The following PFKL variants were observed in gnomAD, a reference collection of about 807,000 sequenced individuals.
PFKL encodes the protein ATP-dependent 6-phosphofructokinase, liver type.
In PFKL, 74 loss-of-function variants were observed where a neutral mutation model predicts 92.1. That is an observed-to-expected ratio of 0.80 (90% confidence interval 0.67 to 0.97). The LOEUF (loss-of-function observed/expected upper bound fraction) is 0.97. PFKL is among the 50% of genes least tolerant of loss of function. The pLI is 0.00. For synonymous variants in PFKL, 494 were observed against 456.4 expected (o/e 1.08, Z -1.05); for missense variants, 1,028 against 1,116.6 (o/e 0.92, Z 1.13).
chr21:44,306,570 A>T, intron 1 of PFKL, 111 bp from the exon 2 acceptor site: 2 of 826,528 alleles, frequency 2.4e-6, no homozygotes, highest in East Asian at 2.8e-5. Context: ...CCGCCCTCTG[A>T]GATGGACAGG....
chr21:44,320,205 C>T, intron 12 of PFKL, 58 bp downstream of exon 12: 1 of 1,487,112 alleles, frequency 6.7e-7, no homozygotes, highest in Non-Finnish European at 9.4e-7. Flanking sequence ...TCTGCAGCCT[C>T]TTCACGCTGG....
chr21:44,312,719 C>T (rs1262601294), intron 4 of PFKL, among the ~76,000 whole-genome samples: 2 of 152,206 alleles, frequency 1.3e-5, no homozygotes, highest in Non-Finnish European at 2.9e-5. Flanking sequence ...GTTCCATGTC[C>T]CTCATGTGGG....
intron 1 of PFKL, among the ~76,000 whole-genome samples, chr21:44,303,848 T>C (rs2040849152): frequency 6.6e-6 from 1 of 152,178 alleles, no homozygotes. Context: ...TATCACCTGC[T>C]GGTAGGCAGC....
chr21:44,312,847 C>A, intron 4 of PFKL, 131 bp from the exon 5 acceptor site: 2 of 885,538 alleles, frequency 2.3e-6, no homozygotes, highest in Non-Finnish European at 3.5e-6. Flanking sequence ...GGAGGCTGAG[C>A]CTGGAACTCC....
In PFKL at chr21:44,316,179, C is replaced by T. The variant is rs576546171; in HGVS notation, c.748-65C>T. On this transcript the variant is annotated intron_variant, in intron 7 of 21. Transcript: ENST00000349048. ...GGCCCCAGGGAGGGCTCCTGGCACC[C>T]GGGGGCTGTGTCCGGGGCAGGTTTC... The T allele has an allele frequency of 8.7e-4, 1,308 of 1,498,784 alleles. 19 individuals are homozygous for T. The South Asian group carries it at 0.013, about 15-fold the overall frequency. The allele number at this position is 1,498,784 out of a possible 1,614,324, so 92.8% of individuals were successfully genotyped here.
At chr21:44,309,460 G>C (rs2041052016) in intron 2 of PFKL, among the ~76,000 whole-genome samples, 1 of 152,166 alleles carries the variant, frequency 6.6e-6, no homozygotes, top group Non-Finnish European at 1.5e-5. Context: ...AGAGTGGGTA[G>C]AGGGGGGCAA....
intron 3 of PFKL, 103 bp from the exon 4 acceptor site, chr21:44,312,002 T>G: frequency 1.1e-6 from 1 of 938,766 alleles, no homozygotes. Context: ...CTCTGCAGGG[T>G]CTGCCAGCCC....
At chr21:44,301,374 G>T (rs1019570776) in intron 1 of PFKL, among the ~76,000 whole-genome samples, 1 of 152,266 alleles carries the variant, frequency 6.6e-6, no homozygotes, top group Non-Finnish European at 1.5e-5. Flanking sequence ...CCTGGAGCCA[G>T]TGTGGCTCCA....
chr21:44,317,852 G>GA (rs2047250099), intron 9 of PFKL, among the ~76,000 whole-genome samples: 1 of 152,248 alleles, frequency 6.6e-6, no homozygotes, highest in South Asian at 2.1e-4. Flanking sequence ...CTTGCAAGAT[G>GA]AAAAAACCTG....
At chr21:44,324,688 C>A in intron 17 of PFKL, 33 bp downstream of exon 17, 1 of 1,564,544 alleles carries the variant, frequency 6.4e-7, no homozygotes, top group Non-Finnish European at 8.7e-7. Flanking sequence ...TGCGGCAGAC[C>A]TGCCGGCATG....
At chr21:44,325,894 C>T (rs1459498818) in intron 19 of PFKL, 67 bp from the exon 20 acceptor site, 2 of 1,179,584 alleles carry the variant, frequency 1.7e-6, no homozygotes, top group Admixed American at 2.0e-5. Context: ...ATCCTGTCTG[C>T]ACTGGCGTTG....
Position 44,326,833 on chromosome 21 carries a change from C to G in PFKL, c.2314C>G (p.Arg772Gly), listed in dbSNP as rs779945114. 2 of 1,610,080 alleles carry G rather than the reference C, an allele frequency of 1.2e-6. No homozygotes were observed. The highest frequency in any genetic ancestry group is 3.3e-5 in the Admixed American group (2 of 59,824). Residue 772 changes from arginine (R) to glycine (G), a missense_variant, in exon 22 of 22, where the codon CGC becomes GGC. Arg to Gly is a moderately radical substitution (Grantham distance 125). Transcript: ENST00000349048. ...AGGGGAGCTGGAGCACGTGACCCGC[C>G]GCACCCTGAGCATGGACAAGGGCTT... is the stretch of plus-strand genomic sequence containing the variant. ...VSGELEHVTR[R>G]TLSMDKGF
chr21:44,325,909 T>TGGCCCA (rs1483230430), intron 19 of PFKL, 52 bp from the exon 20 acceptor site: 21 of 1,433,116 alleles, frequency 1.5e-5, no homozygotes, highest in Non-Finnish European at 2.0e-5. Context: ...GCGTTGGCCT[T>TGGCCCA]GGCCCAGGCA....
intron 12 of PFKL, 55 bp from the exon 13 acceptor site, chr21:44,321,674 G>T (rs1455661966): frequency 6.8e-7 from 1 of 1,466,196 alleles, no homozygotes; most frequent in Non-Finnish European, 9.0e-7. Flanking sequence ...TCCTGTGCAG[G>T]TTGGGGGTCC....
intron 21 of PFKL, among the ~76,000 whole-genome samples, chr21:44,326,508 G>A (rs1207742022): frequency 6.6e-6 from 1 of 152,170 alleles, no homozygotes; most frequent in Non-Finnish European, 1.5e-5. Flanking sequence ...GAGTGGGCAC[G>A]CTTGAGGGCG....
intron 15 of PFKL, among the ~76,000 whole-genome samples, 190 bp from the exon 16 acceptor site, chr21:44,323,576 C>T (rs2047415620): frequency 6.6e-6 from 1 of 152,142 alleles, no homozygotes; most frequent in South Asian, 2.1e-4. Flanking sequence ...CCCTGGTAGG[C>T]ATCCTGAGAT....
intron 11 of PFKL, 112 bp downstream of exon 11, chr21:44,319,527 C>A: frequency 5.4e-6 from 5 of 925,592 alleles, no homozygotes; most frequent in Non-Finnish European, 8.8e-6. Flanking sequence ...TTCTAGGCAC[C>A]GCGTCTGAAG....
intron 1 of PFKL, among the ~76,000 whole-genome samples, chr21:44,300,807 G>A (rs772558613): frequency 6.6e-6 from 1 of 152,228 alleles, no homozygotes; most frequent in Non-Finnish European, 1.5e-5. Flanking sequence ...TGGGGACTGG[G>A]ACTTGGCAGA....
intron 1 of PFKL, chr21:44,304,356 C>G (rs974569665): frequency 7.8e-7 from 1 of 1,286,860 alleles, no homozygotes; most frequent in Admixed American, 2.3e-5. Context: ...TTGACTCCGC[C>G]TGGAGCTGGG....
Sources: allele counts gnomAD v4.1 joint callset (sites outside exome capture counted in the v4.1 genomes callset), GRCh38; gene constraint gnomAD v4.1.1; transcripts MANE v1.5; gene names NCBI Gene and HGNC (gene_info 2026-07-23, HGNC 2026-07-21).